FSTL5: variants seen among roughly 807,000 people sequenced by gnomAD.
FSTL5 encodes the protein follistatin like 5, also known as follistatin-related protein 5.
In FSTL5, 62 loss-of-function variants were observed where a neutral mutation model predicts 89.1. The ratio of observed to expected loss-of-function variants is 0.70; its 90% CI spans 0.57 to 0.86. The LOEUF is 0.86. Ranked by LOEUF, FSTL5 falls within the 40% of genes least tolerant of loss-of-function variation. The pLI is 0.00. For synonymous variants in FSTL5, 383 were observed against 346.2 expected (o/e 1.11, Z -1.18); for missense variants, 1,057 against 1,001.6 (o/e 1.06, Z -0.75).
chr4:161,737,241 A>G (rs776456769), intron 6 of FSTL5, among the ~76,000 whole-genome samples: 4 of 152,244 alleles, frequency 2.6e-5, no homozygotes, highest in Middle Eastern at 3.4e-3. Flanking sequence ...TCCATAAAGC[A>G]GTGTGGTTTA....
At chr4:161,812,769 C>T (rs1179483199) in intron 4 of FSTL5, among the ~76,000 whole-genome samples, 1 of 148,642 alleles carries the variant, frequency 6.7e-6, no homozygotes, top group African/African-American at 2.5e-5. Context: ...TTTGTTATTC[C>T]TTATGCCGCC....
chr4:161,717,182 C>T (rs1054460437), intron 6 of FSTL5, among the ~76,000 whole-genome samples: 64 of 152,086 alleles, frequency 4.2e-4, no homozygotes, highest in Admixed American at 1.3e-4. Context: ...AAAAGATAAA[C>T]GGTCTTTTTA....
In FSTL5 at chr4:161,530,122, G is replaced by T. The variant is rs1310871229; in HGVS notation, c.1312+8044C>A. The stretch of plus-strand genomic sequence containing the variant: ...GAAGACTAAAGAGGTTAATTAATTT[G>T]TTTATGTTATCAGAATCTATTCTAT... On this transcript the variant is annotated intron_variant, in intron 10 of 15. Transcript: ENST00000306100. 3.5e-5 allele frequency among the ~76,000 whole-genome samples: 5 copies of T among 142,548 alleles called. 2 individuals carry two copies. The highest frequency in any genetic ancestry group is 7.7e-5 in the Non-Finnish European group (5 of 64,992). 93.5% of individuals were successfully genotyped at this position (142,548 alleles called of 152,430 possible). A position where few individuals can be genotyped will look rare whatever the true frequency, so the allele number is the denominator to read the frequency against.
At chr4:161,587,995 G>A (rs577350730) in intron 7 of FSTL5, among the ~76,000 whole-genome samples, 21 of 152,008 alleles carry the variant, frequency 1.4e-4, no homozygotes, top group Non-Finnish European at 2.6e-4. Context: ...CCAAAATGGT[G>A]AAGTCATGTC....
At chr4:161,477,507 G>A (rs1194842235) in intron 13 of FSTL5, among the ~76,000 whole-genome samples, 1 of 149,960 alleles carries the variant, frequency 6.7e-6, no homozygotes, top group Non-Finnish European at 1.5e-5. Flanking sequence ...TCTTTCTATT[G>A]TCTACTTTAG....
chr4:162,146,770 C>CTCTCTCTT (rs754279568), intron 1 of FSTL5, among the ~76,000 whole-genome samples: 52 of 142,962 alleles, frequency 3.6e-4, no homozygotes, highest in Non-Finnish European at 6.9e-4. Flanking sequence ...CTCTCTCTCT[C>CTCTCTCTT]TCTTTCTTTC....
chr4:161,522,442 T>C (rs1489264299), intron 10 of FSTL5, among the ~76,000 whole-genome samples: 2 of 152,096 alleles, frequency 1.3e-5, no homozygotes, highest in South Asian at 2.1e-4. Flanking sequence ...GAATAGGATA[T>C]AGAAAGGCTT....
chr4:161,455,631 C>T (rs746786014), intron 14 of FSTL5, among the ~76,000 whole-genome samples: 4 of 152,026 alleles, frequency 2.6e-5, no homozygotes, highest in African/African-American at 7.2e-5. Flanking sequence ...AACCGGTTTA[C>T]GTGTTTTAAT....
At chr4:161,399,165 T>C (rs1216012619) in intron 15 of FSTL5, among the ~76,000 whole-genome samples, 1 of 152,102 alleles carries the variant, frequency 6.6e-6, no homozygotes, top group Non-Finnish European at 1.5e-5. Flanking sequence ...TGCATTAAAC[T>C]TGTTTTGTTA....
chr4:161,951,137 T>C (rs1232634906), intron 3 of FSTL5, among the ~76,000 whole-genome samples: 1 of 152,060 alleles, frequency 6.6e-6, no homozygotes, highest in Non-Finnish European at 1.5e-5. Flanking sequence ...TCTTGCCTGC[T>C]GCCATATAAG....
intron 1 of FSTL5, among the ~76,000 whole-genome samples, chr4:162,159,689 A>G (rs1733619370): frequency 6.6e-6 from 1 of 152,036 alleles, no homozygotes; most frequent in African/African-American, 2.4e-5. Context: ...GAAGATTTGT[A>G]GGAAGTAAAC....
At chr4:162,153,838 T>A (rs988303804) in intron 1 of FSTL5, among the ~76,000 whole-genome samples, 8 of 149,584 alleles carry the variant, frequency 5.3e-5, no homozygotes, top group Non-Finnish European at 1.0e-4. Flanking sequence ...GGACTTTCAC[T>A]CTTGTTGCCC....
intron 4 of FSTL5, among the ~76,000 whole-genome samples, chr4:161,825,110 G>A (rs1347199158): frequency 6.6e-6 from 1 of 152,076 alleles, no homozygotes; most frequent in Non-Finnish European, 1.5e-5. Flanking sequence ...AAGGGATGCT[G>A]GATTTTGTCA....
chr4:161,586,358 T>G (rs1050567448), intron 8 of FSTL5, among the ~76,000 whole-genome samples: 4 of 152,164 alleles, frequency 2.6e-5, no homozygotes, highest in African/African-American at 9.7e-5. Flanking sequence ...ATGCTAAAAT[T>G]TAATCTCATC....
chr4:161,795,429 A>C (rs1017319149), intron 4 of FSTL5, among the ~76,000 whole-genome samples: 2 of 152,010 alleles, frequency 1.3e-5, no homozygotes, highest in Non-Finnish European at 2.9e-5. Context: ...GCCCGGAAGA[A>C]CCCTACTGTT....
At chr4:162,128,554 G>C (rs1458822422) in intron 1 of FSTL5, among the ~76,000 whole-genome samples, 1 of 152,174 alleles carries the variant, frequency 6.6e-6, no homozygotes, top group African/African-American at 2.4e-5. Flanking sequence ...TTAATATTAG[G>C]CTTCCCAACC....
intron 4 of FSTL5, among the ~76,000 whole-genome samples, chr4:161,865,892 G>T (rs1312603339): frequency 6.6e-6 from 1 of 152,176 alleles, no homozygotes; most frequent in Non-Finnish European, 1.5e-5. Context: ...CTTTCCAGCT[G>T]CTGCATATCT....
intron 2 of FSTL5, chr4:162,035,433 A>G (rs1737698910): frequency 6.6e-6 from 1 of 152,104 alleles, no homozygotes; most frequent in Admixed American, 6.6e-5. Flanking sequence ...ATGTGAAAAA[A>G]CATGTCCTAG....
intron 15 of FSTL5, among the ~76,000 whole-genome samples, chr4:161,400,689 T>A (rs912248330): frequency 6.6e-6 from 1 of 152,222 alleles, no homozygotes; most frequent in Non-Finnish European, 1.5e-5. Context: ...ACATTGACAG[T>A]GTTATAACCT....
Sources: gnomAD v4.1 joint callset for allele counts (sites outside exome capture counted in the v4.1 genomes callset) on GRCh38, gnomAD v4.1.1 for gene constraint, MANE v1.5 for transcripts, NCBI Gene and HGNC (gene_info 2026-07-23, HGNC 2026-07-21) for gene names.